Variants in SPON1 observed in about 807,000 individuals in gnomAD.
SPON1 encodes the protein spondin 1.
In SPON1, 52 loss-of-function variants were observed where a neutral mutation model predicts 111.7. The ratio of observed to expected loss-of-function variants is 0.47; its 90% CI spans 0.37 to 0.59. The LOEUF (loss-of-function observed/expected upper bound fraction) is 0.59. Among genes scored for constraint, SPON1 ranks in the 20% least tolerant of loss-of-function variants. The pLI is 0.00. For missense variants in SPON1, 957 were observed against 1,068.5 expected, an observed-to-expected ratio of 0.90 and a Z score of 1.46; for synonymous variants, 410 against 395.8, an observed-to-expected ratio of 1.04 and a Z score of -0.43.
intron 1 of SPON1, among the ~76,000 whole-genome samples, chr11:13,966,126 T>G (rs1848014099): frequency 6.6e-6 from 1 of 152,176 alleles, no homozygotes; most frequent in African/African-American, 2.4e-5. Flanking sequence ...ATTTTGTCTT[T>G]TCCAAGTTGT....
At chr11:14,115,105 C>T (rs1412549267) in intron 5 of SPON1, among the ~76,000 whole-genome samples, 2 of 152,152 alleles carry the variant, frequency 1.3e-5, no homozygotes, top group African/African-American at 4.8e-5. Context: ...GCTCACTGAT[C>T]ATCACTGTCA....
chr11:14,123,525 G>A (rs1185117005), intron 5 of SPON1, among the ~76,000 whole-genome samples: 1 of 152,088 alleles, frequency 6.6e-6, no homozygotes, highest in Non-Finnish European at 1.5e-5. Context: ...TATATCTCTA[G>A]CATTGTGTGA....
chr11:14,170,962 T>C (rs1377759152), intron 6 of SPON1, among the ~76,000 whole-genome samples: 4 of 152,168 alleles, frequency 2.6e-5, no homozygotes, highest in Non-Finnish European at 5.9e-5. Flanking sequence ...TCTCTTTTTT[T>C]GTTGTGTCTC....
At chr11:14,247,108 A>G (rs1848999799) in intron 7 of SPON1, among the ~76,000 whole-genome samples, 1 of 152,210 alleles carries the variant, frequency 6.6e-6, no homozygotes, top group South Asian at 2.1e-4. Context: ...GAATTTTTGC[A>G]TTAAAAGTCA....
chr11:14,050,951 A>G (rs1454884578), intron 3 of SPON1, among the ~76,000 whole-genome samples: 1 of 152,224 alleles, frequency 6.6e-6, no homozygotes, highest in Non-Finnish European at 1.5e-5. Context: ...ACAGGAATCA[A>G]GTGGTACACC....
intron 5 of SPON1, among the ~76,000 whole-genome samples, chr11:14,128,628 C>A (rs193271984): frequency 5.3e-5 from 8 of 152,314 alleles, no homozygotes; most frequent in Admixed American, 5.2e-4. Context: ...AGGATGATGA[C>A]CCTCTTCTCA....
At chr11:14,011,088 T>A (rs1554913687) in intron 2 of SPON1, among the ~76,000 whole-genome samples, 1 of 152,164 alleles carries the variant, frequency 6.6e-6, no homozygotes, top group African/African-American at 2.4e-5. Context: ...ATATTATTAA[T>A]GGAATGTGCC....
At chr11:14,196,616 C>T (rs1848405318) in intron 6 of SPON1, among the ~76,000 whole-genome samples, 1 of 152,238 alleles carries the variant, frequency 6.6e-6, no homozygotes, top group African/African-American at 2.4e-5. Context: ...TTCTCACTTT[C>T]ACTGAAGTAG....
intron 3 of SPON1, among the ~76,000 whole-genome samples, chr11:14,064,280 AGAGT>A (rs1422808855): frequency 6.6e-5 from 10 of 152,268 alleles, no homozygotes; most frequent in Non-Finnish European, 1.5e-4. Context: ...GCAAACATCA[AGAGT>A]ACCCAATGCC....
intron 2 of SPON1, among the ~76,000 whole-genome samples, chr11:14,010,674 T>C (rs951143420): frequency 6.6e-6 from 1 of 152,354 alleles, no homozygotes; most frequent in African/African-American, 2.4e-5. Context: ...CACTTCTCAA[T>C]AGATTGCCTG....
At chr11:14,052,748 A>G (rs938950159) in intron 3 of SPON1, among the ~76,000 whole-genome samples, 4 of 152,216 alleles carry the variant, frequency 2.6e-5, no homozygotes, top group African/African-American at 7.2e-5. Flanking sequence ...GATCAGTCCA[A>G]TGGCAGCAGA....
chr11:14,101,403 AAAT>A (rs1554924374), intron 5 of SPON1, among the ~76,000 whole-genome samples: 1 of 152,056 alleles, frequency 6.6e-6, no homozygotes, highest in Non-Finnish European at 1.5e-5. Flanking sequence ...CCATCTCAAA[AAAT>A]AATAATAATT....
rs572289588 is a variant in SPON1 at position 14,041,427 on chromosome 11, T to C, written c.346-94T>C. The C allele has an allele frequency of 3.5e-5, 50 of 1,443,570 alleles. No homozygotes were observed. The African/African-American group carries it at 6.9e-4, about 20-fold the overall frequency. 89.4% of individuals were successfully genotyped at this position (1,443,570 alleles called of 1,614,324 possible). On this transcript the variant is annotated intron_variant, in intron 2 of 15. Transcript: ENST00000576479. ...AGAGTTGCTAACATAAAATGATAAGTTTAAAAATAAAGTTAAGGAAGTACC... is the reference window on the plus strand; with the variant it reads ...AGAGTTGCTAACATAAAATGATAAGCTTAAAAATAAAGTTAAGGAAGTACC...
intron 5 of SPON1, among the ~76,000 whole-genome samples, chr11:14,118,663 T>C (rs1179810227): frequency 6.6e-6 from 1 of 152,026 alleles, no homozygotes; most frequent in Non-Finnish European, 1.5e-5. Flanking sequence ...ACTGGATAGG[T>C]CCCATCCTAC....
chr11:14,171,965 C>T (rs1292403578), intron 6 of SPON1, among the ~76,000 whole-genome samples: 7 of 151,584 alleles, frequency 4.6e-5, no homozygotes, highest in African/African-American at 7.3e-5. Flanking sequence ...GAATGTATAT[C>T]CTGTTGATTT....
chr11:14,169,642 T>TTG (rs1848073344), intron 6 of SPON1, among the ~76,000 whole-genome samples: 1 of 152,030 alleles, frequency 6.6e-6, no homozygotes, highest in East Asian at 1.9e-4. Context: ...GTCTAACATG[T>TTG]AAGTCTTTAA....
intron 6 of SPON1, among the ~76,000 whole-genome samples, chr11:14,203,098 A>G (rs139565206): frequency 0.015 from 2,353 of 152,310 alleles, 30 homozygotes; most frequent in Non-Finnish European, 0.023. Context: ...TAGGAGGTTG[A>G]TCCCTCCTCT....
chr11:13,962,962 G>A lies in SPON1; in HGVS notation c.58G>A (p.Ala20Thr), dbSNP rs1554907640. The A allele has an allele frequency of 1.3e-6, 2 of 1,590,918 alleles. No individual in the cohort carries two copies. Among genetic ancestry groups the A allele is most frequent in the Admixed American group, 1.7e-5 (1 of 57,624 alleles). ...LSRTPALLAL[A>T]LPLAAALAFS... ...CCGGACTCCGGCACTGCTGGCCCTG[G>A]CGCTGCCCCTGGCCGCGGCGCTGGC... The change falls in exon 1 of 16, where the codon GCG becomes ACG. Residue 20 changes from alanine to threonine, a missense_variant. Ala to Thr is a moderately conservative substitution (Grantham distance 58). This residue lies in a region of SPON1 where 262 missense variants were observed against 253.9 expected (regional missense o/e 1.03). Transcript: ENST00000576479.
chr11:14,241,013 A>G (rs17557844), intron 6 of SPON1, among the ~76,000 whole-genome samples: 54,907 of 151,994 alleles, frequency 0.36, 10,399 homozygotes, highest in Admixed American at 0.47. Context: ...TTTTAAAGTC[A>G]TGGTACAGAA....
Sources: allele counts gnomAD v4.1 joint callset (sites outside exome capture counted in the v4.1 genomes callset), GRCh38; gene constraint gnomAD v4.1.1; regional missense constraint gnomAD v4.1.1; transcripts MANE v1.5; gene names NCBI Gene and HGNC (gene_info 2026-07-23, HGNC 2026-07-21).